The following PPWD1 variants were observed in gnomAD, a reference collection of about 807,000 sequenced individuals.
PPWD1 encodes the protein peptidylprolyl isomerase domain and WD repeat containing 1.
A neutral mutation model predicts 68.8 loss-of-function variants in PPWD1; 43 were observed. The ratio of observed to expected loss-of-function variants is 0.62; its 90% confidence interval spans 0.49 to 0.81. The LOEUF is 0.81. PPWD1 is among the 30% of genes least tolerant of loss of function. The probability of loss-of-function intolerance (pLI) is 0.00; values close to 1 mark genes in which losing one functional copy is unlikely to be tolerated. For synonymous variants in PPWD1, 232 were observed against 258.7 expected, an observed-to-expected ratio of 0.90 and a Z score of 0.99; for missense variants, 672 against 804.8, an observed-to-expected ratio of 0.83 and a Z score of 2.00.
intron 7 of PPWD1, among the ~76,000 whole-genome samples, chr5:65,582,387 A>G (rs1253008092): frequency 6.6e-6 from 1 of 152,128 alleles, no homozygotes; most frequent in Non-Finnish European, 1.5e-5. Context: ...GTCAGTTGGG[A>G]CTGTGAAAAA....
intron 5 of PPWD1, 64 bp from the exon 6 acceptor site, chr5:65,576,815 T>C: frequency 6.5e-7 from 1 of 1,527,864 alleles, no homozygotes; most frequent in Non-Finnish European, 8.8e-7. Flanking sequence ...TATAGATAGA[T>C]GGGTTGATAT....
At chr5:65,574,000 C>G (rs895472711) in intron 5 of PPWD1, among the ~76,000 whole-genome samples, 1 of 151,630 alleles carries the variant, frequency 6.6e-6, no homozygotes, top group Admixed American at 6.6e-5. Context: ...TCTGAATCCT[C>G]TGAGTCTGGA....
Position 65,572,045 on chromosome 5 carries a change from A to T in PPWD1, c.728A>T (p.Lys243Ile), listed in dbSNP as rs1344061349. ...PVYKAVVSSD[K>I]SGMIEYWTGP... ...TACAAAGCAGTAGTGTCTTCTGACA[A>T]ATCTGGGATGATTGAATACTGGACT... is the stretch of plus-strand genomic sequence containing the variant. Residue 243 changes from lysine to isoleucine, a missense_variant, in exon 5 of 11, where the codon AAA becomes ATA. This residue lies in a region of PPWD1 where 484 missense variants were observed against 646.2 expected (regional missense o/e 0.75). Coordinates refer to ENST00000261308, the MANE Select transcript of PPWD1 (RefSeq NM_015342.4). The T allele has an allele frequency of 6.2e-7, 1 of 1,614,064 alleles. No individual in the cohort carries two copies. The highest frequency in any genetic ancestry group is 1.7e-5 in the Admixed American group (1 of 60,024).
intron 1 of PPWD1, among the ~76,000 whole-genome samples, chr5:65,566,587 A>G (rs1206862666): frequency 6.6e-6 from 1 of 152,212 alleles, no homozygotes; most frequent in African/African-American, 2.4e-5. Flanking sequence ...AAAGTAGTTT[A>G]TCAGACACAA....
At position 65,572,036 on chromosome 5, in the gene PPWD1, C is replaced by CT; in HGVS notation, c.721dup (p.Ser241PhefsTer2). 1.2e-6 allele frequency: 2 copies of CT among 1,614,098 alleles called. No homozygotes were observed. The highest frequency in any genetic ancestry group is 1.7e-6 in the Non-Finnish European group (2 of 1,179,964). ...AACCCAGTTTACAAAGCAGTAGTGT[C>CT]TTCTGACAAATCTGGGATGATTGAA... On this transcript the variant is annotated frameshift_variant, in exon 5 of 11. Coordinates refer to ENST00000261308, the MANE Select transcript of PPWD1 (RefSeq NM_015342.4). LOFTEE classifies it high-confidence loss of function.
intron 6 of PPWD1, among the ~76,000 whole-genome samples, chr5:65,577,960 C>T (rs1407544939): frequency 2.6e-5 from 4 of 152,210 alleles, no homozygotes; most frequent in Non-Finnish European, 5.9e-5. Context: ...TGTATAATGG[C>T]ATGTATCCAC....
chr5:65,568,892 T>TTTTTG (rs1428151113), intron 2 of PPWD1: 4 of 455,472 alleles, frequency 8.8e-6, no homozygotes, highest in Admixed American at 7.1e-5. Flanking sequence ...TTCTCAAATA[T>TTTTTG]TTTTGTTTTG....
chr5:65,572,322 T>C, intron 5 of PPWD1, 36 bp downstream of exon 5: 1 of 1,519,656 alleles, frequency 6.6e-7, no homozygotes, highest in Non-Finnish European at 8.9e-7. Flanking sequence ...ACTTTACTTT[T>C]CTAAAAATGC....
At chr5:65,586,517 G>A (rs1366253290) in intron 10 of PPWD1, among the ~76,000 whole-genome samples, 1 of 152,098 alleles carries the variant, frequency 6.6e-6, no homozygotes, top group Non-Finnish European at 1.5e-5. Flanking sequence ...AAAGATTAGA[G>A]TATATGAATT....
intron 2 of PPWD1, chr5:65,569,275 C>A: frequency 3.6e-6 from 1 of 277,492 alleles, no homozygotes; most frequent in Non-Finnish European, 7.0e-6. Flanking sequence ...TACTTATCAG[C>A]TACTGACAAA....
At chr5:65,578,427 G>T (rs1297009606) in intron 6 of PPWD1, among the ~76,000 whole-genome samples, 2 of 152,120 alleles carry the variant, frequency 1.3e-5, no homozygotes. Context: ...TTTCGAAGTG[G>T]CTATACTCTT....
At chr5:65,585,219 C>T (rs183310659) in intron 9 of PPWD1, 124 bp downstream of exon 9, 1 of 968,164 alleles carries the variant, frequency 1.0e-6, no homozygotes, top group East Asian at 2.7e-5. Context: ...AGGAAAAATA[C>T]ACTATGGAAG....
chr5:65,563,330 G>C lies in PPWD1; in HGVS notation c.20G>C (p.Ser7Thr), dbSNP rs1405573896. ...AACAACATGGCGGCGGAAAGTGGTA[G>C]CGATTTTCAGCAGAGACGTAGAAGG... MAAESG[S>T]DFQQRRRRRR... The change falls in exon 1 of 11, where the codon AGC becomes ACC. Residue 7 changes from serine to threonine, a missense_variant. Transcript: ENST00000261308. 1.2e-6 allele frequency: 2 copies of C among 1,613,490 alleles called. No homozygotes were observed. Among genetic ancestry groups the C allele is most frequent in the African/African-American group, 1.3e-5 (1 of 74,860 alleles).
intron 7 of PPWD1, among the ~76,000 whole-genome samples, chr5:65,581,291 A>G (rs746160719): frequency 2.0e-5 from 3 of 152,200 alleles, no homozygotes; most frequent in Admixed American, 6.5e-5. Flanking sequence ...ATTACCCATA[A>G]AAGATAATTC....
chr5:65,570,214 C>T (rs1752955222), intron 4 of PPWD1: 1 of 925,804 alleles, frequency 1.1e-6, no homozygotes, highest in Non-Finnish European at 1.3e-6. Flanking sequence ...TTCTAAACAG[C>T]ATCATAACAA....
Position 65,579,449 on chromosome 5 carries a change from G to C in PPWD1, c.1186G>C (p.Glu396Gln). ...GTGTGTGCGGATTTTAGGCAAACAA[G>C]AAAATATTAGAGTGATGCAATTGGC... ...NRCVRILGKQ[E>Q]NIRVMQLALF... Residue 396 changes from glutamate to glutamine, a missense_variant, in exon 7 of 11, where the codon GAA (glutamate) becomes CAA (glutamine). This residue lies in a region of PPWD1 where 484 missense variants were observed against 646.2 expected (regional missense o/e 0.75). Transcript: ENST00000261308. 6.4e-7 allele frequency: 1 copy of C among 1,567,858 alleles called. No individual in the cohort carries two copies. Among genetic ancestry groups the C allele is most frequent in the Non-Finnish European group, 8.6e-7 (1 of 1,161,218 alleles).
In PPWD1 at chr5:65,563,406, G is replaced by A; in HGVS notation, c.96G>A (p.Leu32=). Residue 32 remains leucine (L), a synonymous_variant, in exon 1 of 11, where the codon CTG becomes CTA. Transcript: ENST00000261308. ...AAACAGAACTCAGCGAAAGAGAGCT[G>A]GCAGTAGCAGTGGCGGTGTCCCAGG... ...PEKTELSERE[L]AVAVAVSQEN... 6.2e-7 allele frequency: 1 copy of A among 1,614,198 alleles called. No homozygotes were observed. Among genetic ancestry groups the A allele is most frequent in the Non-Finnish European group, 8.5e-7 (1 of 1,180,030 alleles).
chr5:65,586,713 C>T (rs547378577), intron 10 of PPWD1, among the ~76,000 whole-genome samples: 1 of 152,196 alleles, frequency 6.6e-6, no homozygotes, highest in African/African-American at 2.4e-5. Flanking sequence ...ATGTAACTAC[C>T]ATCTGCCAGG....
chr5:65,563,985 A>G, intron 1 of PPWD1: 1 of 743,702 alleles, frequency 1.3e-6, no homozygotes, highest in Non-Finnish European at 2.2e-6. Flanking sequence ...TTCCACTAAT[A>G]AATTTTCGCA....
Sources: allele counts gnomAD v4.1 joint callset (sites outside exome capture counted in the v4.1 genomes callset), GRCh38; gene constraint gnomAD v4.1.1; regional missense constraint gnomAD v4.1.1; transcripts MANE v1.5; gene names NCBI Gene and HGNC (gene_info 2026-07-23, HGNC 2026-07-21).